FAF1: variants seen among roughly 807,000 people sequenced by gnomAD.
The protein encoded by FAF1 is FAS-associated factor 1.
FAF1 carries 25 observed loss-of-function variants against 92.5 expected under a neutral mutation model. The observed-to-expected ratio is 0.27, with a 90% confidence interval of 0.20 to 0.38. The LOEUF (loss-of-function observed/expected upper bound fraction) is 0.38. Ranked by LOEUF, FAF1 falls within the 10% of genes least tolerant of loss-of-function variation. FAF1 has a pLI of 1.00. For synonymous variants in FAF1, 234 were observed against 273.2 expected, an observed-to-expected ratio of 0.86 and a Z score of 1.42; for missense variants, 636 against 793.3, an observed-to-expected ratio of 0.80 and a Z score of 2.38.
chr1:50,789,056 A>G (rs1661470953), intron 3 of FAF1, among the ~76,000 whole-genome samples: 1 of 152,096 alleles, frequency 6.6e-6, no homozygotes, highest in Admixed American at 6.5e-5. Flanking sequence ...GCTAGTCTTC[A>G]ACTCGTGGCC....
At chr1:50,789,778 C>T (rs1004294047) in intron 3 of FAF1, among the ~76,000 whole-genome samples, 2 of 152,134 alleles carry the variant, frequency 1.3e-5, no homozygotes, top group African/African-American at 4.8e-5. Flanking sequence ...CTTAAAGTGG[C>T]GTATGAGGCC....
chr1:50,457,640 C>A (rs1402236857), intron 18 of FAF1, among the ~76,000 whole-genome samples: 3 of 147,228 alleles, frequency 2.0e-5, no homozygotes, highest in Non-Finnish European at 4.4e-5. Flanking sequence ...GTAATCCCAG[C>A]ACTTTGGGAG....
At chr1:50,481,848 G>A (rs1646707579) in intron 17 of FAF1, among the ~76,000 whole-genome samples, 1 of 152,154 alleles carries the variant, frequency 6.6e-6, no homozygotes, top group South Asian at 2.1e-4. Flanking sequence ...CAGGTGCCTG[G>A]CTTGACTGAA....
chr1:50,510,495 T>C (rs555684627), intron 15 of FAF1, among the ~76,000 whole-genome samples: 1 of 152,124 alleles, frequency 6.6e-6, no homozygotes, highest in Non-Finnish European at 1.5e-5. Context: ...TACATGAACA[T>C]GAGCCTCAGG....
intron 1 of FAF1, among the ~76,000 whole-genome samples, chr1:50,930,612 G>A (rs1645039880): frequency 6.6e-6 from 1 of 152,182 alleles, no homozygotes; most frequent in Non-Finnish European, 1.5e-5. Context: ...AAGGCGGGTG[G>A]ATCACGAGGT....
chr1:50,824,930 G>A (rs1031934495), intron 2 of FAF1, among the ~76,000 whole-genome samples: 1 of 152,072 alleles, frequency 6.6e-6, no homozygotes, highest in Admixed American at 6.5e-5. Flanking sequence ...AGAATGATGG[G>A]AGGGATAGGG....
At chr1:50,648,948 T>C (rs1333210140) in intron 8 of FAF1, among the ~76,000 whole-genome samples, 1 of 152,048 alleles carries the variant, frequency 6.6e-6, no homozygotes, top group Admixed American at 6.5e-5. Flanking sequence ...GGCCTGGCCC[T>C]AATTGTTTGT....
chr1:50,623,085 T>C (rs1247619829), intron 8 of FAF1, among the ~76,000 whole-genome samples: 1 of 152,212 alleles, frequency 6.6e-6, no homozygotes, highest in East Asian at 1.9e-4. Flanking sequence ...TACTGAACTT[T>C]ACCTGTATTG....
intron 2 of FAF1, among the ~76,000 whole-genome samples, chr1:50,847,142 G>T (rs1056948793): frequency 6.6e-6 from 1 of 152,126 alleles, no homozygotes; most frequent in Non-Finnish European, 1.5e-5. Flanking sequence ...AGCAAAACTT[G>T]TAATACCACC....
chr1:50,942,088 C>A (rs575684740), intron 1 of FAF1, among the ~76,000 whole-genome samples: 2 of 152,288 alleles, frequency 1.3e-5, no homozygotes, highest in South Asian at 2.1e-4. Flanking sequence ...AACCTCTTTA[C>A]CCCTCCATGT....
intron 7 of FAF1, among the ~76,000 whole-genome samples, chr1:50,668,837 A>T (rs1483575063): frequency 1.3e-5 from 2 of 152,220 alleles, no homozygotes; most frequent in Non-Finnish European, 2.9e-5. Context: ...TATTAAGATC[A>T]GGAAAAAAAA....
At chr1:50,785,132 CAAAAAAA>C (rs748061344) in intron 4 of FAF1, among the ~76,000 whole-genome samples, 2 of 59,130 alleles carry the variant, frequency 3.4e-5, no homozygotes, top group Non-Finnish European at 6.5e-5. Flanking sequence ...GACCCTATCT[CAAAAAAA>C]AAAAAAAAAA....
intron 9 of FAF1, among the ~76,000 whole-genome samples, chr1:50,589,487 G>A (rs1651400400): frequency 6.6e-6 from 1 of 152,160 alleles, no homozygotes; most frequent in South Asian, 2.1e-4. Context: ...TACAGCAGTA[G>A]CAGTCTTGCA....
chr1:50,940,874 C>G (rs1005644237), intron 1 of FAF1, among the ~76,000 whole-genome samples: 5 of 152,174 alleles, frequency 3.3e-5, no homozygotes, highest in African/African-American at 1.2e-4. Context: ...GTTTCTCCAT[C>G]TCTCTATTAG....
intron 8 of FAF1, among the ~76,000 whole-genome samples, chr1:50,655,034 A>C (rs1020459902): frequency 3.3e-4 from 50 of 149,858 alleles, no homozygotes; most frequent in Non-Finnish European, 1.6e-4. Context: ...GCAATGGCGC[A>C]ATCTCGGCTC....
chr1:50,947,390 C>A (rs571630066), intron 1 of FAF1, among the ~76,000 whole-genome samples: 56 of 152,336 alleles, frequency 3.7e-4, no homozygotes, highest in Non-Finnish European at 6.9e-4. Flanking sequence ...TTTACCACAA[C>A]CTGACATCTC....
At chr1:50,621,399 T>TTC (rs1553122051) in intron 8 of FAF1, among the ~76,000 whole-genome samples, 3 of 126,370 alleles carry the variant, frequency 2.4e-5, no homozygotes, top group African/African-American at 9.7e-5. Context: ...TTCTTTTTTT[T>TTC]TTTTTTTTTT....
chr1:50,711,111 T>C (rs1657908319), intron 6 of FAF1, among the ~76,000 whole-genome samples: 1 of 151,796 alleles, frequency 6.6e-6, no homozygotes, highest in African/African-American at 2.4e-5. Flanking sequence ...GGTTTCACCA[T>C]TGTGGTCAGG....
At chr1:50,467,770 C>A (rs1426996098) in intron 18 of FAF1, among the ~76,000 whole-genome samples, 1 of 152,144 alleles carries the variant, frequency 6.6e-6, no homozygotes, top group Non-Finnish European at 1.5e-5. Flanking sequence ...GGGCAAGTTA[C>A]CTAACCTCTT....
Sources: gnomAD v4.1 joint callset for allele counts (sites outside exome capture counted in the v4.1 genomes callset) on GRCh38, gnomAD v4.1.1 for gene constraint, MANE v1.5 for transcripts, NCBI Gene and HGNC (gene_info 2026-07-23, HGNC 2026-07-21) for gene names.